RERE: variants seen among roughly 807,000 people sequenced by gnomAD.
RERE encodes the protein arginine-glutamic acid dipeptide repeats protein.
RERE carries 40 observed loss-of-function variants against 146.1 expected under a neutral mutation model. That is an observed-to-expected ratio of 0.27 (90% CI 0.21 to 0.36). The LOEUF (loss-of-function observed/expected upper bound fraction) is 0.36. RERE is among the 10% of genes least tolerant of loss of function. RERE has a pLI of 1.00. For missense variants in RERE, 1,933 were observed against 2,138.7 expected, an observed-to-expected ratio of 0.90 and a Z score of 1.90; for synonymous variants, 1,003 against 866.0, an observed-to-expected ratio of 1.16 and a Z score of -2.78.
At chr1:8,533,149 C>T (rs192714367) in intron 7 of RERE, among the ~76,000 whole-genome samples, 3 of 152,138 alleles carry the variant, frequency 2.0e-5, no homozygotes, top group East Asian at 1.9e-4. Context: ...TTCTTCCAGG[C>T]GGAAATCTGG....
intron 2 of RERE, among the ~76,000 whole-genome samples, chr1:8,652,841 G>A (rs1240079309): frequency 6.6e-6 from 1 of 152,050 alleles, no homozygotes; most frequent in Non-Finnish European, 1.5e-5. Context: ...ATTATCAGGA[G>A]GACTTCCTAT....
intron 20 of RERE, 93 bp downstream of exon 20, chr1:8,358,103 G>C (rs973979964): frequency 1.1e-5 from 16 of 1,509,814 alleles, no homozygotes; most frequent in African/African-American, 2.8e-5. Flanking sequence ...GTTCAGAAAA[G>C]AACAGTTTCC....
chr1:8,730,778 C>A (rs1305096904), intron 1 of RERE, among the ~76,000 whole-genome samples: 2 of 152,220 alleles, frequency 1.3e-5, no homozygotes, highest in East Asian at 1.9e-4. Flanking sequence ...CAGTGACCAG[C>A]CAGTTTCCCC....
intron 7 of RERE, among the ~76,000 whole-genome samples, chr1:8,529,484 C>G (rs1229784352): frequency 7.0e-6 from 1 of 143,496 alleles, no homozygotes; most frequent in African/African-American, 2.6e-5. Flanking sequence ...TTTTTTTTAG[C>G]AGAGACAGGG....
chr1:8,685,069 G>C (rs537453608), intron 1 of RERE, among the ~76,000 whole-genome samples: 22 of 151,856 alleles, frequency 1.4e-4, no homozygotes, highest in African/African-American at 5.3e-4. Flanking sequence ...TGTTACTCAG[G>C]GTGGTCTCAA....
intron 1 of RERE, among the ~76,000 whole-genome samples, chr1:8,794,326 C>A (rs1265062250): frequency 3.5e-5 from 5 of 144,608 alleles, no homozygotes; most frequent in African/African-American, 1.0e-4. Flanking sequence ...CCACTGCACT[C>A]CAGCCTGGGC....
At chr1:8,744,008 T>TTGAA (rs1440837785) in intron 1 of RERE, among the ~76,000 whole-genome samples, 2 of 152,202 alleles carry the variant, frequency 1.3e-5, no homozygotes, top group African/African-American at 4.8e-5. Flanking sequence ...GAACTGTGTG[T>TTGAA]TGAAGCACAG....
chr1:8,486,351 C>T (rs183778699), intron 10 of RERE, among the ~76,000 whole-genome samples: 1 of 151,970 alleles, frequency 6.6e-6, no homozygotes, highest in African/African-American at 2.4e-5. Context: ...TACTCTTTGA[C>T]CACTGAATTA....
intron 4 of RERE, among the ~76,000 whole-genome samples, chr1:8,584,985 C>A (rs4908766): frequency 0.85 from 128,423 of 151,918 alleles, 54,555 homozygotes; most frequent in East Asian, 0.94. Flanking sequence ...CGTCTCTACT[C>A]AAAGTACAAA....
chr1:8,498,736 C>T (rs889251295), intron 8 of RERE, among the ~76,000 whole-genome samples: 63 of 142,398 alleles, frequency 4.4e-4, no homozygotes, highest in East Asian at 3.0e-3. Flanking sequence ...AATATATACA[C>T]ACACACACAC....
At chr1:8,438,785 GA>G (rs1441372510) in intron 11 of RERE, among the ~76,000 whole-genome samples, 4 of 149,596 alleles carry the variant, frequency 2.7e-5, no homozygotes, top group East Asian at 2.0e-4. Flanking sequence ...AACAGTTAAA[GA>G]AAAAAAAAGG....
At chr1:8,363,235 A>C (rs1308815739) in intron 15 of RERE, among the ~76,000 whole-genome samples, 1 of 152,198 alleles carries the variant, frequency 6.6e-6, no homozygotes, top group Non-Finnish European at 1.5e-5. Context: ...ACCAAACCAA[A>C]TGAAATCAAA....
At chr1:8,806,485 C>T (rs1043926782) in intron 1 of RERE, among the ~76,000 whole-genome samples, 3 of 151,934 alleles carry the variant, frequency 2.0e-5, no homozygotes, top group Non-Finnish European at 4.4e-5. Context: ...GAGCTGAGAT[C>T]GTCCAGCTTG....
intron 4 of RERE, among the ~76,000 whole-genome samples, chr1:8,564,179 G>T (rs1345350625): frequency 6.6e-6 from 1 of 152,194 alleles, no homozygotes; most frequent in East Asian, 1.9e-4. Context: ...AGACAATGGG[G>T]TCAAAGATCA....
chr1:8,757,925 C>CACACACAT (rs1157865511), intron 1 of RERE, among the ~76,000 whole-genome samples: 1 of 151,854 alleles, frequency 6.6e-6, no homozygotes, highest in African/African-American at 2.4e-5. Context: ...CACACACACA[C>CACACACAT]ACACATATAT....
chr1:8,430,392 A>C (rs1232282660), intron 11 of RERE, among the ~76,000 whole-genome samples: 6 of 152,198 alleles, frequency 3.9e-5, no homozygotes, highest in Non-Finnish European at 8.8e-5. Flanking sequence ...TGCACTTACT[A>C]GTGTTATTCC....
rs1328683421 is a variant in RERE at position 8,412,697 on chromosome 1, G to A, written c.1284+10030C>T. The stretch of plus-strand genomic sequence containing the variant: ...ATAATCTAGAACACAGAACCGCTGC[G>A]CAAACAGGAGAGTTGATTTACTGCG... On this transcript the variant is annotated intron_variant, in intron 12 of 22. Coordinates refer to ENST00000400908, the MANE Select transcript of RERE (RefSeq NM_001042681.2). 1.8e-4 allele frequency among the ~76,000 whole-genome samples: 27 copies of A among 152,212 alleles called. 1 individual carries two copies. Among genetic ancestry groups the A allele is most frequent in the African/African-American group, 2.4e-5 (1 of 41,448 alleles).
At chr1:8,734,250 C>G (rs1640150272) in intron 1 of RERE, among the ~76,000 whole-genome samples, 1 of 152,140 alleles carries the variant, frequency 6.6e-6, no homozygotes, top group Non-Finnish European at 1.5e-5. Flanking sequence ...AAGAACTCCT[C>G]CACATTTCTC....
At chr1:8,447,409 G>T (rs112499725) in intron 11 of RERE, among the ~76,000 whole-genome samples, 4,140 of 152,178 alleles carry the variant, frequency 0.027, 162 homozygotes, top group African/African-American at 0.094. Flanking sequence ...TTTTTGCCTT[G>T]TTTTTTCCTC....
Sources: allele counts gnomAD v4.1 joint callset (sites outside exome capture counted in the v4.1 genomes callset), GRCh38; gene constraint gnomAD v4.1.1; transcripts MANE v1.5; gene names NCBI Gene and HGNC (gene_info 2026-07-23, HGNC 2026-07-21).